ULK4: variants seen among roughly 807,000 people sequenced by gnomAD.
The protein encoded by ULK4 is inactive serine/threonine-protein kinase ULK4.
A neutral mutation model predicts 160.6 loss-of-function variants in ULK4; 133 were observed. The observed-to-expected ratio is 0.83, with a 90% CI of 0.72 to 0.96. The LOEUF (loss-of-function observed/expected upper bound fraction) is 0.96, where lower values mean the gene tolerates loss of function less well. Ranked by LOEUF, ULK4 falls within the 40% of genes least tolerant of loss-of-function variation. The pLI, the probability that ULK4 is intolerant of heterozygous loss-of-function variation, is 0.00. For missense variants in ULK4, 1,580 were observed against 1,499.5 expected (o/e 1.05, Z -0.89); for synonymous variants, 534 against 539.8 (o/e 0.99, Z 0.15).
intron 17 of ULK4, among the ~76,000 whole-genome samples, chr3:41,872,725 T>C (rs1057220716): frequency 4.6e-5 from 7 of 152,092 alleles, no homozygotes; most frequent in African/African-American, 1.7e-4. Flanking sequence ...CCAGGCCTGG[T>C]TTTTATGTTA....
At chr3:41,935,241 T>A (rs1295315461) in intron 4 of ULK4, among the ~76,000 whole-genome samples, 4 of 138,654 alleles carry the variant, frequency 2.9e-5, no homozygotes, top group Non-Finnish European at 4.6e-5. Context: ...TTTTTTTTTT[T>A]TTTTGAGACG....
chr3:41,639,089 C>A (rs898598146), intron 30 of ULK4, among the ~76,000 whole-genome samples: 2 of 152,188 alleles, frequency 1.3e-5, no homozygotes, highest in African/African-American at 4.8e-5. Flanking sequence ...AGAAAGTACA[C>A]TGATCACATC....
rs370560471 is a variant in ULK4, at chr3:41,281,028, G to A, written c.3679-31454C>T. Among the ~76,000 whole-genome samples the A allele has an allele frequency of 9.2e-5, 14 of 152,086 alleles. No individual in the cohort carries two copies. The South Asian group carries it at 1.7e-3, about 18-fold the overall frequency. The stretch of plus-strand genomic sequence containing the variant: ...TACCATCAGAGAATACTATAAACAC[G>A]TCTATGCAAATAAACTAGAAAATCC... On this transcript the variant is annotated intron_variant, in intron 35 of 36. Transcript: ENST00000301831.
chr3:41,882,319 T>C (rs1697552362), intron 17 of ULK4: 1 of 702,086 alleles, frequency 1.4e-6, no homozygotes. Context: ...AAATGCCAGG[T>C]GGTGATACAT....
intron 32 of ULK4, among the ~76,000 whole-genome samples, chr3:41,498,054 T>C (rs1365723167): frequency 1.3e-5 from 2 of 152,236 alleles, no homozygotes; most frequent in Non-Finnish European, 2.9e-5. Flanking sequence ...AATATCTTGA[T>C]GTCAATGATT....
At chr3:41,938,377 C>T (rs184948867) in intron 2 of ULK4, among the ~76,000 whole-genome samples, 180 bp from the exon 3 acceptor site, 62 of 152,250 alleles carry the variant, frequency 4.1e-4, no homozygotes, top group African/African-American at 1.4e-3. Context: ...AAAACATTAA[C>T]TTAAAAATAA....
At chr3:41,632,751 T>C (rs1442023673) in intron 30 of ULK4, among the ~76,000 whole-genome samples, 1 of 151,430 alleles carries the variant, frequency 6.6e-6, no homozygotes, top group East Asian at 1.9e-4. Flanking sequence ...AAAAAAAACC[T>C]CATAGTTAGA....
rs539587998 is a variant in ULK4 at position 41,657,580 on chromosome 3, G to A, written c.3071+6027C>T. On this transcript the variant is annotated intron_variant, in intron 30 of 36. Transcript: ENST00000301831. ...ATACCCTGTAATCCCAGCACTTTAA[G>A]AGGCCGAGGTGGGTGGACCATGAGG... Among the ~76,000 whole-genome samples the A allele has an allele frequency of 2.6e-5, 4 of 152,118 alleles. No homozygotes were observed. The South Asian group carries it at 6.2e-4, about 24-fold the overall frequency.
At chr3:41,284,441 A>G (rs921466501) in intron 35 of ULK4, among the ~76,000 whole-genome samples, 4 of 152,120 alleles carry the variant, frequency 2.6e-5, no homozygotes, top group African/African-American at 9.7e-5. Context: ...AAAAAACCCA[A>G]TTACTTACAG....
intron 17 of ULK4, chr3:41,859,315 T>TCAAA: frequency 1.7e-6 from 1 of 587,078 alleles, no homozygotes. Flanking sequence ...CCTCGTGACC[T>TCAAA]CAAAGACTGA....
intron 32 of ULK4, among the ~76,000 whole-genome samples, chr3:41,506,765 A>AAAAAAAAATATATATATATATAT (rs1491135487): frequency 9.6e-5 from 1 of 10,448 alleles, no homozygotes; most frequent in African/African-American, 2.8e-4. Context: ...AGTGTGATTT[A>AAAAAAAAATATATATATATATAT]AAATATATAT....
At chr3:41,356,317 CA>C (rs2081028664) in intron 35 of ULK4, among the ~76,000 whole-genome samples, 2 of 152,178 alleles carry the variant, frequency 1.3e-5, no homozygotes, top group African/African-American at 4.8e-5. Flanking sequence ...AGCTGCCTGG[CA>C]GGAATGCATT....
intron 22 of ULK4, among the ~76,000 whole-genome samples, chr3:41,746,804 C>T (rs998223466): frequency 6.6e-6 from 1 of 151,904 alleles, no homozygotes; most frequent in Admixed American, 6.6e-5. Flanking sequence ...GACAGACACA[C>T]AGATAAATTG....
rs1026977117 is a variant in ULK4 at position 41,572,554 on chromosome 3, A to T, written c.3121-6424T>A. Reference sequence around the variant, plus strand: ...GGCAGGTGGATCACAAGGTCAGGAGATTGAGACCATCCTGGCTAACATGGT... The same window carrying T: ...GGCAGGTGGATCACAAGGTCAGGAGTTTGAGACCATCCTGGCTAACATGGT... On this transcript the variant is annotated intron_variant, in intron 31 of 36. Coordinates refer to ENST00000301831, the MANE Select transcript of ULK4 (RefSeq NM_017886.4). Among the ~76,000 whole-genome samples, 85 of 151,592 alleles carry T rather than the reference A, an allele frequency of 5.6e-4. 1 individual carries two copies. The highest frequency in any genetic ancestry group is 1.6e-4 in the Non-Finnish European group (11 of 67,912).
At chr3:41,898,804 G>T (rs570401496) in intron 13 of ULK4, among the ~76,000 whole-genome samples, 1 of 152,268 alleles carries the variant, frequency 6.6e-6, no homozygotes, top group African/African-American at 2.4e-5. Context: ...AATATCTATT[G>T]GGTACCTGCC....
chr3:41,601,688 T>C (rs565439245), intron 31 of ULK4, among the ~76,000 whole-genome samples: 2 of 152,200 alleles, frequency 1.3e-5, no homozygotes, highest in East Asian at 3.9e-4. Context: ...ATGCTTATCT[T>C]ATCATGACAA....
intron 32 of ULK4, among the ~76,000 whole-genome samples, chr3:41,507,178 C>CA (rs149739568): frequency 0.011 from 926 of 82,066 alleles, 18 homozygotes; most frequent in African/African-American, 0.036. Flanking sequence ...TAACCAGGAG[C>CA]AAAAAAAAAA....
At chr3:41,651,754 T>A (rs191201657) in intron 30 of ULK4, among the ~76,000 whole-genome samples, 1 of 152,324 alleles carries the variant, frequency 6.6e-6, no homozygotes, top group East Asian at 1.9e-4. Context: ...ACAATGATGA[T>A]CTCTAGATTT....
rs138374719 is a variant in ULK4 at position 41,915,592 on chromosome 3, A to G, written c.803+385T>C. On this transcript the variant is annotated intron_variant, in intron 8 of 36. Coordinates refer to ENST00000301831, the MANE Select transcript of ULK4 (RefSeq NM_017886.4). Reference sequence around the variant, plus strand: ...CCTGTTTTTATGACACTCAGTTAACAGCATCTTAACTTGACAATATCATCC... The same window carrying G: ...CCTGTTTTTATGACACTCAGTTAACGGCATCTTAACTTGACAATATCATCC... The G allele has an allele frequency of 6.0e-3, 1,035 of 171,210 alleles. 10 individuals are homozygous for G. The highest frequency in any genetic ancestry group is 0.024 in the African/African-American group (993 of 41,778). 10.6% of individuals were successfully genotyped at this position (171,210 alleles called of 1,614,324 possible). A position where few individuals can be genotyped will look rare whatever the true frequency, so the allele number is the denominator to read the frequency against.
Sources: gnomAD v4.1 joint callset for allele counts (sites outside exome capture counted in the v4.1 genomes callset) on GRCh38, gnomAD v4.1.1 for gene constraint, MANE v1.5 for transcripts, NCBI Gene and HGNC (gene_info 2026-07-23, HGNC 2026-07-21) for gene names.